The following SUMF1 variants were observed in gnomAD, a reference collection of about 807,000 sequenced individuals.
The protein encoded by SUMF1 is formylglycine-generating enzyme.
A neutral mutation model predicts 47.6 loss-of-function variants in SUMF1; 48 were observed. The observed-to-expected ratio is 1.01, with a 90% CI of 0.80 to 1.28. SUMF1 has a LOEUF of 1.28. Among genes scored for constraint, SUMF1 ranks in the 50% most tolerant of loss-of-function variants. SUMF1 has a pLI of 0.00. For synonymous variants in SUMF1, 230 were observed against 192.1 expected (o/e 1.20, Z -1.63); for missense variants, 571 against 485.4 (o/e 1.18, Z -1.66).
chr3:4,082,011 T>C (rs1003991176), intron 8 of SUMF1, among the ~76,000 whole-genome samples: 1 of 152,096 alleles, frequency 6.6e-6, no homozygotes, highest in Non-Finnish European at 1.5e-5. Flanking sequence ...CCAGAAGGGA[T>C]TATGCCTGCA....
chr3:4,280,652 C>T (rs1373250312), intron 8 of SUMF1, among the ~76,000 whole-genome samples: 4 of 152,114 alleles, frequency 2.6e-5, no homozygotes, highest in Admixed American at 6.5e-5. Flanking sequence ...AGAAATTTAC[C>T]GTCTAACTAT....
intron 8 of SUMF1, among the ~76,000 whole-genome samples, chr3:4,193,396 T>G (rs1695362721): frequency 6.6e-6 from 1 of 151,968 alleles, no homozygotes; most frequent in African/African-American, 2.4e-5. Flanking sequence ...TTATCAGACT[T>G]GAGGGGATCA....
intron 8 of SUMF1, among the ~76,000 whole-genome samples, chr3:4,080,341 C>T (rs1406899588): frequency 1.3e-5 from 2 of 152,218 alleles, no homozygotes; most frequent in Admixed American, 6.5e-5. Flanking sequence ...GTCATATCAG[C>T]GGCATTCCAC....
chr3:4,154,838 T>A (rs1400385281), intron 8 of SUMF1, among the ~76,000 whole-genome samples: 1 of 151,478 alleles, frequency 6.6e-6, no homozygotes, highest in East Asian at 1.9e-4. Flanking sequence ...GCATCCCACT[T>A]CCAGAATACA....
chr3:4,256,137 G>A lies in SUMF1; in HGVS notation c.1014+120193C>T, dbSNP rs1333549977. Among the ~76,000 whole-genome samples, 12 of 128,240 alleles carry A rather than the reference G, an allele frequency of 9.4e-5. No homozygotes were observed. In the South Asian group the frequency reaches 3.4e-3, roughly 36 times the overall value. 84.1% of individuals were successfully genotyped at this position (128,240 alleles called of 152,430 possible). A position where few individuals can be genotyped will look rare whatever the true frequency, so the allele number is the denominator to read the frequency against. ...AGCAGTGTGTAGAGGGAAATTTATA[G>A]CACTAAATGCCCACAAGAGAAAGCA... is the stretch of plus-strand genomic sequence containing the variant. On this transcript the variant is annotated intron_variant and NMD_transcript_variant, in intron 8 of 12. Coordinates refer to the SUMF1 transcript ENST00000448413.
Position 4,410,892 on chromosome 3 carries a change from A to G in SUMF1, c.927T>C (p.His309=). Residue 309 remains histidine, a synonymous_variant, in exon 7 of 9, where the codon CAT becomes CAC. Coordinates refer to ENST00000272902, the MANE Select transcript of SUMF1 (RefSeq NM_182760.4). ...WEWTSDWWTV[H]HSVEETLNPK... ...GGTTAAGCGTTTCTTCAACAGAATG[A>G]TGAACAGTCCACCAGTCTGAAGTCC... is the stretch of plus-strand genomic sequence containing the variant. The G allele has an allele frequency of 6.2e-7, 1 of 1,614,070 alleles. No individual in the cohort carries two copies. Among genetic ancestry groups the G allele is most frequent in the Non-Finnish European group, 8.5e-7 (1 of 1,179,894 alleles).
intron 8 of SUMF1, chr3:4,316,425 G>A (rs1575089551): frequency 1.9e-6 from 3 of 1,592,606 alleles, no homozygotes; most frequent in Middle Eastern, 1.8e-4. Context: ...GCCATCAGAA[G>A]TTGACAACGA....
intron 8 of SUMF1, among the ~76,000 whole-genome samples, chr3:4,136,065 G>A (rs1693921689): frequency 6.6e-6 from 1 of 152,128 alleles, no homozygotes; most frequent in South Asian, 2.1e-4. Flanking sequence ...GTAATTTATA[G>A]ATTCAATGCC....
chr3:4,226,575 T>C (rs1481006027), intron 8 of SUMF1, among the ~76,000 whole-genome samples: 1 of 152,064 alleles, frequency 6.6e-6, no homozygotes, highest in African/African-American at 2.4e-5. Context: ...GCCATGATTA[T>C]TGTTTTTAAT....
intron 8 of SUMF1, among the ~76,000 whole-genome samples, chr3:4,160,102 G>A (rs1333710176): frequency 2.0e-5 from 3 of 151,898 alleles, no homozygotes; most frequent in Non-Finnish European, 4.4e-5. Context: ...TATCTCTCTA[G>A]GTTTGGAAAA....
chr3:4,293,635 T>C lies in SUMF1; in HGVS notation c.1014+82695A>G, dbSNP rs185171853. Among the ~76,000 whole-genome samples the C allele has an allele frequency of 1.5e-3, 223 of 152,284 alleles. 2 individuals are homozygous for C. The highest frequency in any genetic ancestry group is 4.9e-3 in the African/African-American group (204 of 41,554). ...AAATTATAGTAATAACATTCGAATG[T>C]CACAAAGCAGAAATTTCAGTAGCCT... On this transcript the variant is annotated intron_variant and NMD_transcript_variant, in intron 8 of 12. Transcript: ENST00000448413.
At chr3:4,340,855 G>T (rs1281316835) in intron 8 of SUMF1, among the ~76,000 whole-genome samples, 2 of 152,212 alleles carry the variant, frequency 1.3e-5, no homozygotes, top group African/African-American at 4.8e-5. Flanking sequence ...CTCATCTACA[G>T]GGCTTTTACA....
intron 3 of SUMF1, among the ~76,000 whole-genome samples, chr3:4,432,226 A>G (rs189589786): frequency 6.6e-6 from 1 of 151,298 alleles, no homozygotes. Context: ...CATCTCCCCA[A>G]AACCCAGGAG....
At chr3:4,267,560 T>G (rs1364935378) in intron 8 of SUMF1, among the ~76,000 whole-genome samples, 3 of 152,146 alleles carry the variant, frequency 2.0e-5, no homozygotes, top group African/African-American at 7.2e-5. Context: ...TTCTGTGGGA[T>G]CGGTGGTGGG....
intron 8 of SUMF1, among the ~76,000 whole-genome samples, chr3:4,212,404 G>T (rs776038709): frequency 6.6e-6 from 1 of 152,022 alleles, no homozygotes; most frequent in Non-Finnish European, 1.5e-5. Flanking sequence ...GACCCTATCC[G>T]ACGGTCACCA....
intron 8 of SUMF1, among the ~76,000 whole-genome samples, chr3:4,224,948 C>T (rs1217837002): frequency 6.6e-6 from 1 of 152,056 alleles, no homozygotes; most frequent in African/African-American, 2.4e-5. Flanking sequence ...CTGAGCCAAT[C>T]AACTCATTTT....
intron 8 of SUMF1, among the ~76,000 whole-genome samples, chr3:4,252,212 A>G (rs923304273): frequency 1.3e-5 from 2 of 152,234 alleles, no homozygotes; most frequent in Non-Finnish European, 2.9e-5. Context: ...TGATGACAGA[A>G]TTAATGGTTG....
At chr3:4,424,996 C>T (rs1010410578) in intron 3 of SUMF1, among the ~76,000 whole-genome samples, 1 of 152,122 alleles carries the variant, frequency 6.6e-6, no homozygotes, top group Non-Finnish European at 1.5e-5. Context: ...CCACCAGATG[C>T]CAGTTGCATC....
chr3:4,140,705 A>C (rs918723296), intron 8 of SUMF1, among the ~76,000 whole-genome samples: 23 of 151,962 alleles, frequency 1.5e-4, no homozygotes, highest in African/African-American at 5.3e-4. Context: ...ATTTCTCCCC[A>C]AAATCCCAAA....
Sources: gnomAD v4.1 joint callset for allele counts (sites outside exome capture counted in the v4.1 genomes callset) on GRCh38, gnomAD v4.1.1 for gene constraint, MANE v1.5 for transcripts, NCBI Gene and HGNC (gene_info 2026-07-23, HGNC 2026-07-21) for gene names.